The following ADCY3 variants were observed in gnomAD, a reference collection of about 807,000 sequenced individuals.
ADCY3 encodes the protein adenylate cyclase 3, also known as adenylate cyclase type 3.
In ADCY3, 70 loss-of-function variants were observed where a neutral mutation model predicts 119.4. The ratio of observed to expected loss-of-function variants is 0.59; its 90% CI spans 0.48 to 0.72. The LOEUF (loss-of-function observed/expected upper bound fraction) is 0.72. ADCY3 is among the 30% of genes least tolerant of loss of function. The pLI, the probability that ADCY3 is intolerant of heterozygous loss-of-function variation, is 0.00. For missense variants in ADCY3, 1,238 were observed against 1,541.6 expected, an observed-to-expected ratio of 0.80 and a Z score of 3.30; for synonymous variants, 672 against 621.4, an observed-to-expected ratio of 1.08 and a Z score of -1.21.
intron 2 of ADCY3, among the ~76,000 whole-genome samples, chr2:24,880,517 T>C (rs987515705): frequency 6.6e-6 from 1 of 152,220 alleles, no homozygotes; most frequent in African/African-American, 2.4e-5. Flanking sequence ...GAGGTCCACA[T>C]GTTATGACGA....
At chr2:24,856,700 C>A (rs1031402982) in intron 3 of ADCY3, among the ~76,000 whole-genome samples, 1 of 152,202 alleles carries the variant, frequency 6.6e-6, no homozygotes, top group Admixed American at 6.5e-5. Context: ...GCTGCCCCTG[C>A]CCAAGAGATG....
rs1030939428 is a variant in ADCY3, at chr2:24,918,317, C to T, written c.671G>A (p.Arg224Gln). ...GGGACAGTGGGCAGGACTCACCTCCCGCAGCAGCTGCATCCCCTTGAGCTC... is the reference window on the plus strand; with the variant it reads ...GGGACAGTGGGCAGGACTCACCTCCTGCAGCAGCTGCATCCCCTTGAGCTC... The part of the protein sequence containing the change: ...QEELKGMQLL[R>Q]EILANVFLYL... The change falls in exon 2 of 22, where the codon CGG (arginine) becomes CAG (glutamine). Residue 224 changes from arginine (R) to glutamine (Q), a missense_variant. This residue lies in a region of ADCY3 where 283 missense variants were observed against 437.2 expected (regional missense o/e 0.65). Transcript: ENST00000679454. The surrounding 1 kb of genome is among the most constrained non-coding windows in gnomAD (Gnocchi z 5.4). 6.4e-7 allele frequency: 1 copy of T among 1,559,634 alleles called. No individual in the cohort carries two copies. The highest frequency in any genetic ancestry group is 1.2e-5 in the South Asian group (1 of 82,940).
At chr2:24,901,249 C>G (rs1678868706) in intron 2 of ADCY3, among the ~76,000 whole-genome samples, 1 of 152,158 alleles carries the variant, frequency 6.6e-6, no homozygotes, top group Non-Finnish European at 1.5e-5. Flanking sequence ...AGGCAAGCTC[C>G]TCTCTAGGAA....
intron 2 of ADCY3, among the ~76,000 whole-genome samples, chr2:24,916,834 G>C (rs1039045250): frequency 6.6e-6 from 1 of 152,188 alleles, no homozygotes; most frequent in African/African-American, 2.4e-5. Flanking sequence ...TCCAGGAGGT[G>C]GGGTGGGAAG....
At position 24,899,335 on chromosome 2, in the gene ADCY3, A is replaced by G. The variant is rs1334383551; in HGVS notation, c.675+18978T>C. 6.6e-6 allele frequency among the ~76,000 whole-genome samples: 1 copy of G among 152,172 alleles called. No individual in the cohort carries two copies. The highest frequency in any genetic ancestry group is 1.5e-5 in the Non-Finnish European group (1 of 68,044). On this transcript the variant is annotated intron_variant, in intron 2 of 21. Coordinates refer to ENST00000679454, the MANE Select transcript of ADCY3 (RefSeq NM_004036.5). The surrounding 1 kb of genome is among the most constrained non-coding windows in gnomAD (Gnocchi z 4.5). ...TGTATTGATTTTGATGCCTTCTTCA[A>G]TCCCAATAAATAAACCATTCTCTTG...
At chr2:24,881,824 C>A (rs765403003) in intron 2 of ADCY3, among the ~76,000 whole-genome samples, 1 of 151,816 alleles carries the variant, frequency 6.6e-6, no homozygotes, top group African/African-American at 2.4e-5. Flanking sequence ...TGTCTGGAGA[C>A]GTTTTGACAG....
At chr2:24,870,321 CAAAAAAAAA>C (rs34685288) in intron 3 of ADCY3, among the ~76,000 whole-genome samples, 1 of 87,312 alleles carries the variant, frequency 1.1e-5, no homozygotes, top group Non-Finnish European at 2.3e-5. Context: ...GACTCCATGT[CAAAAAAAAA>C]AAAAAAAAAA....
chr2:24,820,353 G>T, intron 21 of ADCY3: 1 of 1,327,602 alleles, frequency 7.5e-7, no homozygotes, highest in Admixed American at 3.6e-5. Flanking sequence ...TCCTAGGATG[G>T]CCATGGTCAC....
intron 2 of ADCY3, among the ~76,000 whole-genome samples, chr2:24,906,638 C>CA (rs1200908968): frequency 1.3e-5 from 2 of 152,248 alleles, no homozygotes; most frequent in African/African-American, 4.8e-5. Context: ...CCCTCGGCAC[C>CA]ATGCCATGCG....
rs920700143 is a variant in ADCY3, at chr2:24,898,900, G to A, written c.675+19413C>T. Among the ~76,000 whole-genome samples, 3 of 152,148 alleles carry A rather than the reference G, an allele frequency of 2.0e-5. No individual in the cohort carries two copies. Among genetic ancestry groups the A allele is most frequent in the South Asian group, 2.1e-4 (1 of 4,834 alleles). On this transcript the variant is annotated intron_variant, in intron 2 of 21. Transcript: ENST00000679454. The surrounding 1 kb of genome is among the most constrained non-coding windows in gnomAD (Gnocchi z 4.3). ...CCTTTCACCGCCAGAGAACTCCAGC[G>A]CGGACGCCAAGCACGACCACGGCAG... is the stretch of plus-strand genomic sequence containing the variant.
At chr2:24,820,454 GAGAC>G (rs1667438421) in intron 21 of ADCY3, 1 of 1,330,478 alleles carries the variant, frequency 7.5e-7, no homozygotes, top group Non-Finnish European at 9.6e-7. Flanking sequence ...AGACGCCACT[GAGAC>G]AGATCACAAG....
chr2:24,824,602 G>C, intron 16 of ADCY3, 66 bp from the exon 17 acceptor site: 2 of 1,565,668 alleles, frequency 1.3e-6, no homozygotes, highest in Non-Finnish European at 1.7e-6. Context: ...ATGAAAAACA[G>C]GAATGGCCAG....
chr2:24,822,326 CTGTT>C, intron 19 of ADCY3, 181 bp downstream of exon 19: 1 of 813,838 alleles, frequency 1.2e-6, no homozygotes, highest in East Asian at 2.8e-5. Context: ...TGTGTCTGTT[CTGTT>C]TCTCTGCTTG....
chr2:24,899,575 G>A lies in ADCY3; in HGVS notation c.675+18738C>T, dbSNP rs1418300488. On this transcript the variant is annotated intron_variant, in intron 2 of 21. Transcript: ENST00000679454. The surrounding 1 kb of genome is among the most constrained non-coding windows in gnomAD (Gnocchi z 4.5). ...CTGACTCTTCCTCAGCTCGAGAGGTGGCTGTGGCTCAAGGAGGCCACCAGT... is the reference window on the plus strand; with the variant it reads ...CTGACTCTTCCTCAGCTCGAGAGGTAGCTGTGGCTCAAGGAGGCCACCAGT... 6.6e-6 allele frequency among the ~76,000 whole-genome samples: 1 copy of A among 152,224 alleles called. No individual in the cohort carries two copies. Among genetic ancestry groups the A allele is most frequent in the Non-Finnish European group, 1.5e-5 (1 of 68,044 alleles).
chr2:24,841,762 G>T lies in ADCY3; in HGVS notation c.957-95C>A, dbSNP rs1228684692. ...CCTCTCCAACCCACAGGGCAGCCAG[G>T]ATCAGGGCAGGAGAAGGTCCTCCCT... On this transcript the variant is annotated intron_variant, in intron 4 of 21. Transcript: ENST00000679454. This position sits in a 1 kb window ranked among gnomAD's most constrained non-coding sequence, Gnocchi z 5.8. 3.3e-6 allele frequency: 3 copies of T among 916,662 alleles called. No individual in the cohort carries two copies. The highest frequency in any genetic ancestry group is 1.5e-5 in the South Asian group (1 of 68,382). The allele number at this position is 916,662 out of a possible 1,614,324, so 56.8% of individuals were successfully genotyped here. A position where few individuals can be genotyped will look rare whatever the true frequency, so the allele number is the denominator to read the frequency against.
chr2:24,895,413 T>C (rs1322273672), intron 2 of ADCY3, among the ~76,000 whole-genome samples: 1 of 152,086 alleles, frequency 6.6e-6, no homozygotes, highest in African/African-American at 2.4e-5. Context: ...ATTCCTTATA[T>C]TTGTTTGTAT....
intron 3 of ADCY3, among the ~76,000 whole-genome samples, chr2:24,845,214 A>AGTTCC (rs1312407563): frequency 1.3e-5 from 2 of 152,228 alleles, no homozygotes; most frequent in African/African-American, 4.8e-5. Context: ...AAAGATACCC[A>AGTTCC]AAAACGTGGA....
In ADCY3 at chr2:24,839,604, G is replaced by A. The variant is rs1463223075; in HGVS notation, c.1355+269C>T. On this transcript the variant is annotated intron_variant, in intron 7 of 21. Transcript: ENST00000679454. ...TAAAGGGGAGGCAGCCCCCTAAGTC[G>A]GTAAAGGGGACAGGAGGACAGGCTA... 4.6e-5 allele frequency among the ~76,000 whole-genome samples: 7 copies of A among 152,276 alleles called. No homozygotes were observed. In the East Asian group the frequency reaches 7.7e-4, roughly 17 times the overall value.
At chr2:24,888,834 C>G (rs539642131) in intron 2 of ADCY3, among the ~76,000 whole-genome samples, 6 of 152,300 alleles carry the variant, frequency 3.9e-5, no homozygotes, top group Non-Finnish European at 8.8e-5. Context: ...TATGGTGAGA[C>G]CCCGTCTCTA....
Sources: gnomAD v4.1 joint callset for allele counts (sites outside exome capture counted in the v4.1 genomes callset) on GRCh38, gnomAD v4.1.1 for gene constraint, gnomAD v4.1.1 regional missense constraint, Gnocchi (gnomAD v3.1) non-coding constraint, MANE v1.5 for transcripts, NCBI Gene and HGNC (gene_info 2026-07-23, HGNC 2026-07-21) for gene names.